GALNT17: variants seen among roughly 807,000 people sequenced by gnomAD.
GALNT17 encodes UDP-GalNAc:polypeptide N-acetylgalactosaminyltransferase-like 3.
A neutral mutation model predicts 63.7 loss-of-function variants in GALNT17; 29 were observed. The ratio of observed to expected loss-of-function variants is 0.46; its 90% confidence interval spans 0.34 to 0.62. The LOEUF (loss-of-function observed/expected upper bound fraction) is 0.62, where lower values mean the gene tolerates loss of function less well. GALNT17 is among the 20% of genes least tolerant of loss of function. The probability of loss-of-function intolerance (pLI) is 0.01; values close to 1 mark genes in which losing one functional copy is unlikely to be tolerated. For synonymous variants in GALNT17, 305 were observed against 318.3 expected, an observed-to-expected ratio of 0.96 and a Z score of 0.45; for missense variants, 603 against 799.6, an observed-to-expected ratio of 0.75 and a Z score of 2.97.
At chr7:71,340,263 G>A (rs1010313734) in intron 2 of GALNT17, among the ~76,000 whole-genome samples, 1 of 152,282 alleles carries the variant, frequency 6.6e-6, no homozygotes, top group African/African-American at 2.4e-5. Flanking sequence ...GCAGAATATG[G>A]GAGGTTTACT....
intron 5 of GALNT17, among the ~76,000 whole-genome samples, chr7:71,541,662 A>G (rs1788895507): frequency 2.0e-5 from 3 of 151,886 alleles, no homozygotes; most frequent in African/African-American, 7.3e-5. Context: ...CCTTTCAGAG[A>G]CCCCCTTCCA....
chr7:71,322,997 T>C (rs566464329), intron 1 of GALNT17, among the ~76,000 whole-genome samples: 1 of 152,146 alleles, frequency 6.6e-6, no homozygotes. Context: ...CATGGTCATA[T>C]TAAGATGGCT....
chr7:71,536,939 A>G (rs1788811809), intron 5 of GALNT17, among the ~76,000 whole-genome samples: 1 of 152,072 alleles, frequency 6.6e-6, no homozygotes, highest in Admixed American at 6.5e-5. Context: ...CTGCACAGGG[A>G]CCTGTCCCCT....
intron 5 of GALNT17, among the ~76,000 whole-genome samples, chr7:71,422,277 C>T (rs1451107128): frequency 2.0e-5 from 3 of 152,102 alleles, no homozygotes; most frequent in Non-Finnish European, 4.4e-5. Context: ...TCTCTGGCAC[C>T]CTTCATCACG....
At chr7:71,260,060 A>G (rs966489616) in intron 1 of GALNT17, among the ~76,000 whole-genome samples, 3 of 152,112 alleles carry the variant, frequency 2.0e-5, no homozygotes, top group Non-Finnish European at 4.4e-5. Context: ...TTTATATACA[A>G]AAAGGAGTTG....
intron 6 of GALNT17, among the ~76,000 whole-genome samples, chr7:71,610,062 G>A (rs1790102269): frequency 6.6e-6 from 1 of 151,966 alleles, no homozygotes; most frequent in African/African-American, 2.4e-5. Flanking sequence ...CTACTAAGCT[G>A]CAAAATTTTC....
intron 1 of GALNT17, among the ~76,000 whole-genome samples, chr7:71,159,848 C>T (rs572710091): frequency 2.5e-4 from 38 of 151,468 alleles, no homozygotes; most frequent in African/African-American, 9.3e-4. Flanking sequence ...GTGGTGCGAT[C>T]TTGGCTCACT....
intron 5 of GALNT17, among the ~76,000 whole-genome samples, chr7:71,435,606 C>G (rs903749082): frequency 1.8e-4 from 28 of 152,104 alleles, no homozygotes; most frequent in African/African-American, 5.8e-4. Context: ...TCTTCGGGCC[C>G]CCACCCAGGA....
intron 1 of GALNT17, among the ~76,000 whole-genome samples, chr7:71,181,314 AT>A (rs1311020130): frequency 6.6e-6 from 1 of 152,132 alleles, no homozygotes; most frequent in East Asian, 1.9e-4. Context: ...CCTAATATTA[AT>A]AGACAGGAAA....
intron 6 of GALNT17, among the ~76,000 whole-genome samples, chr7:71,654,300 C>T (rs1186275266): frequency 6.6e-6 from 1 of 152,214 alleles, no homozygotes; most frequent in Non-Finnish European, 1.5e-5. Context: ...GCTGGAATTA[C>T]AGGCATGAGC....
intron 1 of GALNT17, among the ~76,000 whole-genome samples, chr7:71,313,594 T>C (rs1788564213): frequency 6.6e-6 from 1 of 152,158 alleles, no homozygotes; most frequent in African/African-American, 2.4e-5. Flanking sequence ...ATAACTTCAA[T>C]GTGTGTCAGG....
chr7:71,371,922 C>T (rs1029579616), intron 2 of GALNT17, among the ~76,000 whole-genome samples: 2 of 152,122 alleles, frequency 1.3e-5, no homozygotes, highest in Admixed American at 6.5e-5. Context: ...GGTTCTGTTG[C>T]ACTTGCCAGT....
intron 1 of GALNT17, among the ~76,000 whole-genome samples, chr7:71,268,816 C>T (rs1185445222): frequency 6.6e-6 from 1 of 152,032 alleles, no homozygotes; most frequent in Non-Finnish European, 1.5e-5. Flanking sequence ...CTCCTGTCTC[C>T]TGCTTGGGGA....
intron 6 of GALNT17, among the ~76,000 whole-genome samples, chr7:71,577,550 C>G (rs11983920): frequency 0.11 from 17,479 of 152,082 alleles, 1,697 homozygotes; most frequent in African/African-American, 0.27. Context: ...CCCTCAGGGC[C>G]TTTCCATGGT....
intron 6 of GALNT17, among the ~76,000 whole-genome samples, chr7:71,662,747 AC>A (rs1337043891): frequency 2.0e-5 from 3 of 152,234 alleles, no homozygotes; most frequent in Non-Finnish European, 4.4e-5. Context: ...TGGATATGTT[AC>A]ATTTTATTTA....
chr7:71,668,516 CAAAAA>C (rs56329930), intron 7 of GALNT17, among the ~76,000 whole-genome samples: 5,454 of 63,068 alleles, frequency 0.086, 441 homozygotes, highest in African/African-American at 0.26. Flanking sequence ...GACACCATCT[CAAAAA>C]AAAAAAAAAA....
At chr7:71,139,158 G>T (rs571922760) in intron 1 of GALNT17, among the ~76,000 whole-genome samples, 2 of 152,214 alleles carry the variant, frequency 1.3e-5, no homozygotes, top group Admixed American at 6.5e-5. Flanking sequence ...ACTTTTCCAG[G>T]GTGACACAGC....
rs1359542274 is a variant in GALNT17, at chr7:71,133,039, T to C, written c.237T>C (p.Asn79=). The change falls in exon 1 of 11, where the codon AAT becomes AAC. Residue 79 remains asparagine (N), a splice_region_variant and synonymous_variant. Transcript: ENST00000333538. ...AGGACATCGTGTACCGGCAGCTGAA[T>C]GGTAAGGACGCACGCCGGCGCCTCC... ...LLEDIVYRQL[N]GLSKSLGLIE... 6.4e-7 allele frequency: 1 copy of C among 1,564,474 alleles called. No homozygotes were observed. The highest frequency in any genetic ancestry group is 1.8e-5 in the Admixed American group (1 of 55,054).
intron 1 of GALNT17, among the ~76,000 whole-genome samples, chr7:71,276,621 G>A (rs766278624): frequency 2.8e-4 from 42 of 152,246 alleles, no homozygotes; most frequent in Admixed American, 7.2e-4. Context: ...ACGTGGCTTT[G>A]CTTCTCCTTT....
Sources: gnomAD v4.1 joint callset for allele counts (sites outside exome capture counted in the v4.1 genomes callset) on GRCh38, gnomAD v4.1.1 for gene constraint, MANE v1.5 for transcripts, NCBI Gene and HGNC (gene_info 2026-07-23, HGNC 2026-07-21) for gene names.